RTN2: variants seen among roughly 807,000 people sequenced by gnomAD.
The protein encoded by RTN2 is reticulon 2, also known as reticulon-2.
RTN2 carries 36 observed loss-of-function variants against 63.7 expected under a neutral mutation model. That is an observed-to-expected ratio of 0.56 (90% confidence interval 0.43 to 0.75). RTN2 has a LOEUF of 0.75. Among genes scored for constraint, RTN2 ranks in the 30% least tolerant of loss-of-function variants. The pLI is 0.00. For missense variants in RTN2, 673 were observed against 705.1 expected, an observed-to-expected ratio of 0.95 and a Z score of 0.52; for synonymous variants, 312 against 313.0, an observed-to-expected ratio of 1.00 and a Z score of 0.03.
chr19:45,494,004 A>T lies in RTN2; in HGVS notation c.814+162T>A. 8.1e-7 allele frequency: 1 copy of T among 1,238,264 alleles called. No individual in the cohort carries two copies. The highest frequency in any genetic ancestry group is 1.1e-6 in the Non-Finnish European group (1 of 898,730). 76.7% of individuals were successfully genotyped at this position (1,238,264 alleles called of 1,614,324 possible). Reference sequence around the variant, plus strand: ...CGCGCCCGGCCGGGGAAATTTTTTTAAAAAGCGGAGTTTATCACGTCTAGC... The same window carrying T: ...CGCGCCCGGCCGGGGAAATTTTTTTTAAAAGCGGAGTTTATCACGTCTAGC... On this transcript the variant is annotated intron_variant, in intron 4 of 10. Transcript: ENST00000245923. The surrounding 1 kb of genome is among the most constrained non-coding windows in gnomAD (Gnocchi z 5.3).
chr19:45,496,218 T>C (rs776741276), intron 1 of RTN2, among the ~76,000 whole-genome samples: 3 of 152,154 alleles, frequency 2.0e-5, no homozygotes, highest in African/African-American at 2.4e-5. Context: ...AGCTGGGGAA[T>C]AGGAGGCCTG....
At chr19:45,491,776 C>T in intron 5 of RTN2, among the ~76,000 whole-genome samples, 1 of 152,070 alleles carries the variant, frequency 6.6e-6, no homozygotes, top group South Asian at 2.1e-4. Flanking sequence ...GTGATCTGCC[C>T]ACCTCGACCT....
chr19:45,489,286 G>T, intron 6 of RTN2, 60 bp downstream of exon 6: 1 of 1,480,700 alleles, frequency 6.8e-7, no homozygotes. Flanking sequence ...CTGATTTGAG[G>T]TCGTGGGTCA....
rs778995302 is a variant in RTN2, at chr19:45,485,784, C to T, written c.1562G>A (p.Arg521Gln). ...GGCTCCGGTCCCTGGGATTTTAGCT[C>T]GGATCCTGAAGGAGAAACAGGTGGG... ...NQLSHIKAKI[R>Q]AKIPGTGALA... The change falls in exon 11 of 11, where the codon CGA (arginine) becomes CAA (glutamine). Residue 521 changes from arginine to glutamine, a missense_variant. By Grantham distance (43) the Arg-to-Gln change is conservative. Transcript: ENST00000245923. 6.2e-6 allele frequency: 10 copies of T among 1,613,554 alleles called. No individual in the cohort carries two copies. Among genetic ancestry groups the T allele is most frequent in the Admixed American group, 1.7e-5 (1 of 59,996 alleles).
At position 45,489,429 on chromosome 19, in the gene RTN2, C is replaced by T; in HGVS notation, c.1158G>A (p.Leu386=). ...TGAGAGAGATGGTGCCGCAGAGCAGCAACAGAGCCAAGTGCGCGGCCACGG... is the reference window on the plus strand; with the variant it reads ...TGAGAGAGATGGTGCCGCAGAGCAGTAACAGAGCCAAGTGCGCGGCCACGG... ...IVSVAAHLAL[L]LLCGTISLRV... Residue 386 remains leucine, a synonymous_variant, in exon 6 of 11, where the codon TTG becomes TTA. Coordinates refer to ENST00000245923, the MANE Select transcript of RTN2 (RefSeq NM_005619.5). 3.1e-6 allele frequency: 5 copies of T among 1,610,212 alleles called. No individual in the cohort carries two copies. The highest frequency in any genetic ancestry group is 4.2e-6 in the Non-Finnish European group (5 of 1,178,440).
chr19:45,491,826 G>A (rs1471808603), intron 5 of RTN2, among the ~76,000 whole-genome samples: 1 of 151,498 alleles, frequency 6.6e-6, no homozygotes, highest in African/African-American at 2.4e-5. Context: ...GTAGAGATAG[G>A]GTCTCGCTAT....
At chr19:45,495,217 T>C (rs1968247926) in intron 1 of RTN2, 78 bp from the exon 2 acceptor site, 7 of 1,534,740 alleles carry the variant, frequency 4.6e-6, no homozygotes, top group Non-Finnish European at 6.3e-6. Context: ...CCTGGAATCT[T>C]AGAATATTTG....
chr19:45,496,995 C>CGCCG lies in RTN2; in HGVS notation c.-171_-170insCGGC. 4.3e-5 allele frequency: 13 copies of CGCCG among 304,028 alleles called. No individual in the cohort carries two copies. The highest frequency in any genetic ancestry group is 4.6e-5 in the Non-Finnish European group (8 of 174,980). 18.8% of individuals were successfully genotyped at this position (304,028 alleles called of 1,614,324 possible). ...CCGCCGCCGCCGCCGCCGCCGCCGC[C>CGCCG]CTGGTGCTCGGCTCGGCGGGGGCGG... On this transcript the variant is annotated 5_prime_UTR_variant, in exon 1 of 11. Transcript: ENST00000245923.
Position 45,494,759 on chromosome 19 carries a change from A to C in RTN2, c.326T>G (p.Leu109Trp). 4.4e-6 allele frequency: 7 copies of C among 1,608,898 alleles called. No individual in the cohort carries two copies. Among genetic ancestry groups the C allele is most frequent in the Non-Finnish European group, 5.9e-6 (7 of 1,179,906 alleles). Residue 109 changes from leucine (L) to tryptophan (W), a missense_variant, in exon 3 of 11, where the codon TTG becomes TGG. Coordinates refer to ENST00000245923, the MANE Select transcript of RTN2 (RefSeq NM_005619.5). The surrounding 1 kb of genome is among the most constrained non-coding windows in gnomAD (Gnocchi z 5.3). Reference protein sequence around the residue: ...QHPQPSLGDSLESIPSLSQSP... With the variant: ...QHPQPSLGDSWESIPSLSQSP... Reference sequence around the variant, plus strand: ...TTGGCTCAGGCTGGGGATGCTCTCCAAGCTGTCGCCCAGGCTGGGCTGAGG... The same window carrying C: ...TTGGCTCAGGCTGGGGATGCTCTCCCAGCTGTCGCCCAGGCTGGGCTGAGG...
chr19:45,490,537 G>GTGTC (rs1968133378), intron 5 of RTN2, among the ~76,000 whole-genome samples: 2 of 101,118 alleles, frequency 2.0e-5, no homozygotes, highest in African/African-American at 3.8e-5. Flanking sequence ...TTGTGTGTCT[G>GTGTC]TGTGTGTGTG....
At chr19:45,490,222 G>A (rs1000963218) in intron 5 of RTN2, among the ~76,000 whole-genome samples, 5 of 151,824 alleles carry the variant, frequency 3.3e-5, no homozygotes, top group African/African-American at 7.3e-5. Context: ...GGCTGGTCTC[G>A]AACTCCTGAC....
chr19:45,485,974 T>A, intron 10 of RTN2, 81 bp downstream of exon 10: 1 of 1,419,790 alleles, frequency 7.0e-7, no homozygotes, highest in Non-Finnish European at 9.9e-7. Flanking sequence ...CCAGGAGATT[T>A]GCGGACAGCG....
chr19:45,486,192 C>A lies in RTN2; in HGVS notation c.1498-79G>T, dbSNP rs969197793. Reference sequence around the variant, plus strand: ...AGTCACATAGGAGGCTGCTTCCTCCCCAACCTCCAAATTAGGAGTTGTGAA... The same window carrying A: ...AGTCACATAGGAGGCTGCTTCCTCCACAACCTCCAAATTAGGAGTTGTGAA... On this transcript the variant is annotated intron_variant, in intron 9 of 10. Transcript: ENST00000245923. 12 of 1,276,026 alleles carry A rather than the reference C, an allele frequency of 9.4e-6. No homozygotes were observed. The African/African-American group carries it at 1.2e-4, about 12-fold the overall frequency. The allele number at this position is 1,276,026 out of a possible 1,614,324, so 79.0% of individuals were successfully genotyped here.
chr19:45,496,990 G>C lies in RTN2; in HGVS notation c.-165C>G. The C allele has an allele frequency of 3.1e-6, 1 of 323,816 alleles. No individual in the cohort carries two copies. Among genetic ancestry groups the C allele is most frequent in the Non-Finnish European group, 5.3e-6 (1 of 188,308 alleles). 20.1% of individuals were successfully genotyped at this position (323,816 alleles called of 1,614,324 possible). ...CGCCGCCGCCGCCGCCGCCGCCGCC[G>C]CCGCCCTGGTGCTCGGCTCGGCGGG... On this transcript the variant is annotated 5_prime_UTR_variant, in exon 1 of 11. Coordinates refer to ENST00000245923, the MANE Select transcript of RTN2 (RefSeq NM_005619.5).
chr19:45,495,968 G>A (rs745733642), intron 1 of RTN2, among the ~76,000 whole-genome samples: 3 of 152,210 alleles, frequency 2.0e-5, no homozygotes, highest in Non-Finnish European at 4.4e-5. Flanking sequence ...CTGGACACGC[G>A]AGACATGGAA....
intron 5 of RTN2, among the ~76,000 whole-genome samples, chr19:45,491,579 T>C (rs1371433380): frequency 1.3e-5 from 2 of 150,110 alleles, no homozygotes; most frequent in Non-Finnish European, 3.0e-5. Context: ...TTGCCCAAGC[T>C]GGAGTGCAGT....
intron 5 of RTN2, among the ~76,000 whole-genome samples, chr19:45,491,881 G>A (rs1019367176): frequency 2.0e-5 from 3 of 151,540 alleles, no homozygotes; most frequent in Non-Finnish European, 2.9e-5. Context: ...CTCCCACCTC[G>A]GCCTCCCAAA....
chr19:45,493,067 A>G, intron 5 of RTN2, 93 bp downstream of exon 5: 2 of 1,218,982 alleles, frequency 1.6e-6, no homozygotes, highest in East Asian at 2.3e-5. Context: ...GCAGATCAGT[A>G]ATAAAAATGC....
rs1159296807 is a variant in RTN2, at chr19:45,485,786, G to C, written c.1560C>G (p.Ile520Met). Residue 520 changes from isoleucine to methionine, a missense_variant, in exon 11 of 11, where the codon ATC becomes ATG. Ile to Met is a conservative substitution (Grantham distance 10). Transcript: ENST00000245923. The stretch of plus-strand genomic sequence containing the variant: ...CTCCGGTCCCTGGGATTTTAGCTCG[G>C]ATCCTGAAGGAGAAACAGGTGGGAT... Reference protein sequence around the residue: ...TNQLSHIKAKIRAKIPGTGAL... With the variant: ...TNQLSHIKAKMRAKIPGTGAL... 7 of 1,613,436 alleles carry C rather than the reference G, an allele frequency of 4.3e-6. No individual in the cohort carries two copies. In the Admixed American group the frequency reaches 1.0e-4, roughly 23 times the overall value.
Sources: allele counts gnomAD v4.1 joint callset (sites outside exome capture counted in the v4.1 genomes callset), GRCh38; gene constraint gnomAD v4.1.1; non-coding constraint Gnocchi (gnomAD v3.1); transcripts MANE v1.5; gene names NCBI Gene and HGNC (gene_info 2026-07-23, HGNC 2026-07-21).